STOX2: variants seen among roughly 807,000 people sequenced by gnomAD.
STOX2 encodes the protein storkhead-box protein 2.
A neutral mutation model predicts 60.9 loss-of-function variants in STOX2; 28 were observed. That is an observed-to-expected ratio of 0.46 (90% CI 0.34 to 0.63). The LOEUF is 0.63. Ranked by LOEUF, STOX2 falls within the 30% of genes least tolerant of loss-of-function variation. STOX2 has a pLI of 0.01. For synonymous variants in STOX2, 472 were observed against 463.9 expected (o/e 1.02, Z -0.22); for missense variants, 1,024 against 1,187.7 (o/e 0.86, Z 2.03).
chr4:183,947,275 A>G (rs1742922372), intron 1 of STOX2, among the ~76,000 whole-genome samples: 1 of 152,084 alleles, frequency 6.6e-6, no homozygotes, highest in African/African-American at 2.4e-5. Flanking sequence ...TTTTTTGCTT[A>G]ATCGTTAGTT....
At position 183,817,070 on chromosome 4, in the gene STOX2, C is replaced by T. The variant is rs139926987; in HGVS notation, c.364+19015C>T. On this transcript the variant is annotated intron_variant, in intron 1 of 2. Transcript: ENST00000513034. ...CAACTCCTGGTGAGTGCAGCACATG[C>T]CTCAAGTCATGAGAGATGGAAAAGG... Among the ~76,000 whole-genome samples, 329 of 152,320 alleles carry T rather than the reference C, an allele frequency of 2.2e-3. 8 individuals carry two copies. The highest frequency in any genetic ancestry group is 7.3e-3 in the African/African-American group (304 of 41,562).
At chr4:183,968,345 C>CACAT (rs1451326568) in intron 1 of STOX2, among the ~76,000 whole-genome samples, 1 of 81,186 alleles carries the variant, frequency 1.2e-5, no homozygotes, top group Non-Finnish European at 2.9e-5. Flanking sequence ...CATATACCTA[C>CACAT]ACACACACAC....
At chr4:183,957,940 G>C (rs771972143) in intron 1 of STOX2, among the ~76,000 whole-genome samples, 53 of 151,540 alleles carry the variant, frequency 3.5e-4, no homozygotes, top group Non-Finnish European at 7.2e-4. Flanking sequence ...TGGTAGAATG[G>C]TATTTAGAAC....
intron 1 of STOX2, among the ~76,000 whole-genome samples, chr4:183,966,136 G>C (rs2111168370): frequency 6.6e-6 from 1 of 152,208 alleles, no homozygotes; most frequent in African/African-American, 2.4e-5. Flanking sequence ...TTGGGACCAG[G>C]GAGGGAGTTT....
At chr4:183,800,355 C>A (rs1487898741) in intron 1 of STOX2, among the ~76,000 whole-genome samples, 1 of 152,148 alleles carries the variant, frequency 6.6e-6, no homozygotes, top group African/African-American at 2.4e-5. Flanking sequence ...CTGGCTGAAA[C>A]TCTGCTCTGA....
chr4:183,832,494 T>A lies in STOX2; in HGVS notation c.364+34439T>A, dbSNP rs866811709. On this transcript the variant is annotated intron_variant, in intron 1 of 2. Coordinates refer to the STOX2 transcript ENST00000513034. ...GTAGCCTATAACCGACTCTTTTTTT[T>A]TTTTTTTTTTTTTTGAGACGGAGTC... Among the ~76,000 whole-genome samples the A allele has an allele frequency of 4.7e-3, 687 of 144,844 alleles. 9 individuals are homozygous for A. Among genetic ancestry groups the A allele is most frequent in the African/African-American group, 0.016 (627 of 38,778 alleles).
intron 1 of STOX2, among the ~76,000 whole-genome samples, chr4:183,812,922 T>A (rs922136534): frequency 6.6e-6 from 1 of 152,228 alleles, no homozygotes; most frequent in Non-Finnish European, 1.5e-5. Context: ...TGAAGATATT[T>A]CACACACTGC....
At chr4:183,934,513 C>A (rs889141086) in intron 1 of STOX2, among the ~76,000 whole-genome samples, 1 of 152,078 alleles carries the variant, frequency 6.6e-6, no homozygotes, top group Non-Finnish European at 1.5e-5. Context: ...TTCTATATAG[C>A]CTGTCTTTTA....
intron 1 of STOX2, among the ~76,000 whole-genome samples, chr4:183,897,177 C>A (rs1222459336): frequency 6.6e-6 from 1 of 152,230 alleles, no homozygotes; most frequent in East Asian, 1.9e-4. Context: ...AATTCCTACT[C>A]TTTTCCTCAA....
rs534443691 is a variant in STOX2, at chr4:183,836,516, T to C, written c.364+38461T>C. ...TCTTAGGGCACGACTCTACTTTCTATGAATGTGAACAATGTGAGGGGACTC... is the reference window on the plus strand; with the variant it reads ...TCTTAGGGCACGACTCTACTTTCTACGAATGTGAACAATGTGAGGGGACTC... On this transcript the variant is annotated intron_variant, in intron 1 of 2. Coordinates refer to the STOX2 transcript ENST00000513034. This position sits in a 1 kb window ranked among gnomAD's most constrained non-coding sequence, Gnocchi z 4.1. Among the ~76,000 whole-genome samples, 38 of 152,342 alleles carry C rather than the reference T, an allele frequency of 2.5e-4. No homozygotes were observed. The highest frequency in any genetic ancestry group is 5.1e-4 in the Non-Finnish European group (35 of 68,030).
At chr4:183,817,404 T>C (rs1222829523) in intron 1 of STOX2, among the ~76,000 whole-genome samples, 3 of 152,186 alleles carry the variant, frequency 2.0e-5, no homozygotes, top group Non-Finnish European at 2.9e-5. Context: ...GTGGGAAGTA[T>C]GGTTGCCAGA....
chr4:183,802,836 T>C (rs1183483921), intron 1 of STOX2, among the ~76,000 whole-genome samples: 2 of 152,218 alleles, frequency 1.3e-5, no homozygotes, highest in South Asian at 2.1e-4. Context: ...TTAGCCGTGA[T>C]GGTCTCGATC....
intron 1 of STOX2, among the ~76,000 whole-genome samples, chr4:183,927,731 G>C (rs1427308691): frequency 6.6e-6 from 1 of 152,164 alleles, no homozygotes; most frequent in East Asian, 1.9e-4. Flanking sequence ...GTGTGTGAGT[G>C]CTGGTGTGGC....
In STOX2 at chr4:184,001,182, C is replaced by G; in HGVS notation, c.167-143C>G. The G allele has an allele frequency of 1.4e-6, 1 of 707,472 alleles. No individual in the cohort carries two copies. The highest frequency in any genetic ancestry group is 2.3e-6 in the Non-Finnish European group (1 of 432,048). 43.8% of individuals were successfully genotyped at this position (707,472 alleles called of 1,614,324 possible). A position where few individuals can be genotyped will look rare whatever the true frequency, so the allele number is the denominator to read the frequency against. On this transcript the variant is annotated intron_variant, in intron 1 of 3. Coordinates refer to ENST00000308497, the MANE Select transcript of STOX2 (RefSeq NM_020225.3). This position sits in a 1 kb window ranked among gnomAD's most constrained non-coding sequence, Gnocchi z 4.2. ...TGGAATTGGCTGTGGCTTCTGTGTT[C>G]AGAGTGGAATTGGCAAGCAGCTGCT... is the stretch of plus-strand genomic sequence containing the variant.
chr4:183,895,665 C>T (rs1418012560), intron 1 of STOX2, among the ~76,000 whole-genome samples: 5 of 152,132 alleles, frequency 3.3e-5, no homozygotes, highest in Non-Finnish European at 5.9e-5. Context: ...GTTTTTGTTG[C>T]TATTTTATTG....
At chr4:183,979,137 G>T (rs1022169514) in intron 1 of STOX2, among the ~76,000 whole-genome samples, 7 of 152,144 alleles carry the variant, frequency 4.6e-5, no homozygotes, top group African/African-American at 1.4e-4. Flanking sequence ...ATCTGGTTCT[G>T]GTGAGACCTC....
chr4:183,956,123 A>C lies in STOX2; in HGVS notation c.167-45202A>C, dbSNP rs140067320. On this transcript the variant is annotated intron_variant, in intron 1 of 3. Coordinates refer to ENST00000308497, the MANE Select transcript of STOX2 (RefSeq NM_020225.3). ...GTTGAGAGGTAACTGTATTAGATGAAGGAATAGGACTGAGTGTCTAAATGC... is the reference window on the plus strand; with the variant it reads ...GTTGAGAGGTAACTGTATTAGATGACGGAATAGGACTGAGTGTCTAAATGC... Among the ~76,000 whole-genome samples, 545 of 152,326 alleles carry C rather than the reference A, an allele frequency of 3.6e-3. 16 individuals are homozygous for C. Among genetic ancestry groups the C allele is most frequent in the Admixed American group, 0.03 (458 of 15,298 alleles).
At chr4:183,885,893 C>G (rs1390069476) in intron 1 of STOX2, among the ~76,000 whole-genome samples, 1 of 152,218 alleles carries the variant, frequency 6.6e-6, no homozygotes, top group South Asian at 2.1e-4. Context: ...TCTCATTGCC[C>G]CATTACCTGA....
intron 1 of STOX2, among the ~76,000 whole-genome samples, chr4:183,985,475 AAG>A (rs1732803518): frequency 1.3e-5 from 2 of 152,166 alleles, no homozygotes; most frequent in African/African-American, 2.4e-5. Flanking sequence ...GAGCTTCAGG[AAG>A]AGAGTTCCCC....
Sources: gnomAD v4.1 joint callset for allele counts (sites outside exome capture counted in the v4.1 genomes callset) on GRCh38, gnomAD v4.1.1 for gene constraint, Gnocchi (gnomAD v3.1) non-coding constraint, MANE v1.5 for transcripts, NCBI Gene and HGNC (gene_info 2026-07-23, HGNC 2026-07-21) for gene names.